Variants in MTCL1 observed in about 807,000 individuals in gnomAD.
MTCL1 encodes the protein microtubule crosslinking factor 1, also known as microtubule cross-linking factor 1.
In MTCL1, 79 loss-of-function variants were observed where a neutral mutation model predicts 141.4. The observed-to-expected ratio is 0.56, with a 90% CI of 0.47 to 0.67. The LOEUF (loss-of-function observed/expected upper bound fraction) is 0.67, where lower values mean the gene tolerates loss of function less well. Among genes scored for constraint, MTCL1 ranks in the 30% least tolerant of loss-of-function variants. MTCL1 has a pLI of 0.00. For missense variants in MTCL1, 2,177 were observed against 2,113.9 expected (o/e 1.03, Z -0.59); for synonymous variants, 914 against 875.8 (o/e 1.04, Z -0.77).
intron 6 of MTCL1, among the ~76,000 whole-genome samples, 182 bp downstream of exon 5, chr18:8,785,025 T>TG (rs1320715549): frequency 6.6e-6 from 1 of 151,894 alleles, no homozygotes; most frequent in Non-Finnish European, 1.5e-5. Flanking sequence ...TTTTTTGTTT[T>TG]TTTTTTTTTT....
chr18:8,809,849 G>A (rs2144176868), intron 11 of MTCL1: 1 of 465,666 alleles, frequency 2.1e-6, no homozygotes. Flanking sequence ...AAAGGGCTGG[G>A]CTGAAGATGT....
At chr18:8,794,473 C>T (rs2075844504) in intron 8 of MTCL1, among the ~76,000 whole-genome samples, 1 of 152,166 alleles carries the variant, frequency 6.6e-6, no homozygotes, top group South Asian at 2.1e-4. Context: ...AAAGAAGGCT[C>T]TCCAGGAGGG....
intron 4 of MTCL1, among the ~76,000 whole-genome samples, chr18:8,730,620 C>T (rs2096245089): frequency 6.6e-6 from 1 of 152,218 alleles, no homozygotes; most frequent in Admixed American, 6.5e-5. Context: ...TGGGCTTGGA[C>T]AACGCCGGCT....
exon 13 of MTCL1, chr18:8,819,140 G>A (rs371682939): frequency 7.4e-5 from 119 of 1,614,142 alleles, no homozygotes; most frequent in Non-Finnish European, 9.6e-5. Context: ...CAAGCTGAAG[G>A]AGTCGGACAG....
exon 6 of MTCL1, chr18:8,784,112 C>G: frequency 1.2e-6 from 2 of 1,613,482 alleles, no homozygotes; most frequent in South Asian, 2.2e-5. Context: ...TGGGGCCCCC[C>G]TGCAGGAGGA....
exon 17 of MTCL1, chr18:8,831,656 G>A (rs2144579313): frequency 6.4e-7 from 1 of 1,550,506 alleles, no homozygotes; most frequent in Non-Finnish European, 8.7e-7. Context: ...TGCTTCTCCA[G>A]GCCCGAGAGA....
chr18:8,819,135 T>G (rs1293008640), exon 13 of MTCL1: 2 of 1,614,220 alleles, frequency 1.2e-6, no homozygotes, highest in Admixed American at 3.3e-5. Context: ...CTGTCCAAGC[T>G]GAAGGAGTCG....
upstream of MTCL1, among the ~76,000 whole-genome samples, chr18:8,713,720 G>A (rs571075707): frequency 3.3e-5 from 5 of 152,330 alleles, no homozygotes; most frequent in South Asian, 2.1e-4. Context: ...TCCTATTGCT[G>A]CAGCAGACCA....
intron 8 of MTCL1, among the ~76,000 whole-genome samples, chr18:8,794,056 C>T (rs574244566): frequency 8.1e-4 from 123 of 152,346 alleles, no homozygotes; most frequent in African/African-American, 2.7e-3. Flanking sequence ...CTGCCAACTT[C>T]TACCACTACA....
At position 8,786,093 on chromosome 18, in the gene MTCL1, T is replaced by C; in HGVS notation, c.1887+2T>C. 1 of 1,550,664 alleles carries C rather than the reference T, an allele frequency of 6.4e-7. No homozygotes were observed. The highest frequency in any genetic ancestry group is 8.7e-7 in the Non-Finnish European group (1 of 1,148,464). On this transcript the variant is annotated splice_donor_variant, in intron 7 of 16. Transcript: ENST00000359865. LOFTEE classifies it high-confidence loss of function. ...GGCCAGACCTGCTTCAGCCTGGAGG[T>C]CAGCGTGGGCAAGCAATCCCCCCCC...
chr18:8,711,941 ACAGT>A (rs1010485181), intron 1 of MTCL1, among the ~76,000 whole-genome samples: 1 of 152,124 alleles, frequency 6.6e-6, no homozygotes, highest in African/African-American at 2.4e-5. Context: ...GTGCTCGGAG[ACAGT>A]CAGACAAGCC....
At chr18:8,725,456 A>C (rs1213981317) in intron 4 of MTCL1, among the ~76,000 whole-genome samples, 1 of 152,216 alleles carries the variant, frequency 6.6e-6, no homozygotes, top group African/African-American at 2.4e-5. Context: ...CCACAGCAAA[A>C]AGGGCATCAT....
intron 4 of MTCL1, among the ~76,000 whole-genome samples, chr18:8,749,906 C>T (rs73939525): frequency 0.01 from 1,587 of 152,260 alleles, 35 homozygotes; most frequent in African/African-American, 0.036. Context: ...TAAAATAAAG[C>T]TTTGCTCTAA....
chr18:8,793,625 G>C (rs28582671), intron 8 of MTCL1, among the ~76,000 whole-genome samples: 1 of 152,070 alleles, frequency 6.6e-6, no homozygotes, highest in Non-Finnish European at 1.5e-5. Flanking sequence ...CCAGAGTTCC[G>C]AGTAGAAGGG....
At chr18:8,717,133 C>T (rs1037664538), upstream of MTCL1, among the ~76,000 whole-genome samples, 2 of 152,050 alleles carry the variant, frequency 1.3e-5, no homozygotes, top group Non-Finnish European at 2.9e-5. Flanking sequence ...CCATGCTGCT[C>T]GGGATGCAGA....
At chr18:8,784,967 C>G in intron 6 of MTCL1, 124 bp downstream of exon 5, 1 of 789,950 alleles carries the variant, frequency 1.3e-6, no homozygotes, top group Non-Finnish European at 1.8e-6. Flanking sequence ...CTGCATTGTA[C>G]TAAAGCCTCC....
chr18:8,707,430 TGAGTA>T (rs1284677792), intron 1 of MTCL1: 1 of 152,526 alleles, frequency 6.6e-6, no homozygotes, highest in African/African-American at 2.4e-5. Context: ...CTGCACTCTC[TGAGTA>T]TTTTCCGGCA....
intron 4 of MTCL1, among the ~76,000 whole-genome samples, chr18:8,775,360 C>A (rs1163552093): frequency 6.7e-6 from 1 of 148,548 alleles, no homozygotes; most frequent in African/African-American, 2.5e-5. Flanking sequence ...CACCTGAGGT[C>A]AGGAGTTCGA....
At chr18:8,784,190 C>T (rs2096542395) in exon 6 of MTCL1, 1 of 1,613,680 alleles carries the variant, frequency 6.2e-7, no homozygotes, top group Non-Finnish European at 8.5e-7. Flanking sequence ...GCACGAGAAC[C>T]ACGCGCTGCT....
Sources: gnomAD v4.1 joint callset for allele counts (sites outside exome capture counted in the v4.1 genomes callset) on GRCh38, gnomAD v4.1.1 for gene constraint, MANE v1.5 for transcripts, NCBI Gene and HGNC (gene_info 2026-07-23, HGNC 2026-07-21) for gene names.